Variants in FYN observed in about 807,000 individuals in gnomAD.
FYN encodes tyrosine-protein kinase Fyn.
FYN carries 10 observed loss-of-function variants against 70.2 expected under a neutral mutation model. The ratio of observed to expected loss-of-function variants is 0.14; its 90% CI spans 0.09 to 0.24. FYN has a LOEUF of 0.24. Ranked by LOEUF, FYN falls within the 10% of genes least tolerant of loss-of-function variation. FYN has a pLI of 1.00. For missense variants in FYN, 319 were observed against 673.1 expected (o/e 0.47, Z 5.82); for synonymous variants, 236 against 248.6 (o/e 0.95, Z 0.48).
At chr6:111,827,024 T>C (rs1435986981) in intron 2 of FYN, among the ~76,000 whole-genome samples, 2 of 152,164 alleles carry the variant, frequency 1.3e-5, no homozygotes, top group African/African-American at 2.4e-5. Context: ...ATCAGAGCTC[T>C]TTCCAGCTCA....
chr6:111,692,454 C>A (rs529621417), intron 12 of FYN, among the ~76,000 whole-genome samples: 2 of 152,054 alleles, frequency 1.3e-5, no homozygotes, highest in Non-Finnish European at 2.9e-5. Flanking sequence ...GGGGAACCAG[C>A]GAGGGTGCCA....
intron 8 of FYN, 60 bp downstream of exon 8, chr6:111,702,825 T>C: frequency 6.5e-7 from 1 of 1,545,944 alleles, no homozygotes; most frequent in Non-Finnish European, 8.9e-7. Flanking sequence ...TTTCCTGCTC[T>C]GGGCCTATCC....
Position 111,696,263 on chromosome 6 carries a change from A to C in FYN, c.1042+14T>G. The stretch of plus-strand genomic sequence containing the variant: ...AGGCACTGTGAGCTGGAGACAGGAG[A>C]GGTGTTGCCCAACCTTTGTTCATAT... On this transcript the variant is annotated intron_variant, in intron 10 of 13. Coordinates refer to ENST00000354650, the MANE Select transcript of FYN (RefSeq NM_002037.5). 6.3e-7 allele frequency: 1 copy of C among 1,593,640 alleles called. No homozygotes were observed. The highest frequency in any genetic ancestry group is 8.6e-7 in the Non-Finnish European group (1 of 1,168,520).
At chr6:111,819,801 C>G (rs1772600016) in intron 2 of FYN, 1 of 152,082 alleles carries the variant, frequency 6.6e-6, no homozygotes, top group African/African-American at 2.4e-5. Context: ...AGTCTCATCT[C>G]CCCCACTTTA....
intron 8 of FYN, among the ~76,000 whole-genome samples, chr6:111,701,135 C>T (rs1562479508): frequency 6.6e-6 from 1 of 152,156 alleles, no homozygotes; most frequent in Admixed American, 6.5e-5. Context: ...AAGTAGTTAA[C>T]ACTCGGAGGT....
At chr6:111,683,981 A>G (rs1021915575) in intron 12 of FYN, among the ~76,000 whole-genome samples, 1 of 152,244 alleles carries the variant, frequency 6.6e-6, no homozygotes, top group African/African-American at 2.4e-5. Context: ...AAGTAATACA[A>G]CTGGGTGTTT....
At chr6:111,772,944 T>C (rs148134860) in intron 3 of FYN, among the ~76,000 whole-genome samples, 478 of 151,978 alleles carry the variant, frequency 3.1e-3, no homozygotes, top group Non-Finnish European at 4.9e-3. Context: ...AAAATTATTA[T>C]TAAATTTTTA....
chr6:111,700,388 C>G, intron 8 of FYN, 120 bp from the exon 9 acceptor site: 1 of 943,564 alleles, frequency 1.1e-6, no homozygotes, highest in Non-Finnish European at 1.6e-6. Flanking sequence ...TGCTACTACA[C>G]CAGCAGACGA....
chr6:111,802,266 G>A (rs1772011177), intron 2 of FYN, among the ~76,000 whole-genome samples: 1 of 151,394 alleles, frequency 6.6e-6, no homozygotes. Context: ...TCTTCCTCTT[G>A]CTCTGGCCAT....
At chr6:111,844,788 T>C (rs1367336843) in intron 2 of FYN, 1 of 152,256 alleles carries the variant, frequency 6.6e-6, no homozygotes, top group Admixed American at 6.5e-5. Context: ...TGGCATTCTT[T>C]AGACTGGTGG....
At chr6:111,790,829 C>T (rs1014988905) in intron 2 of FYN, among the ~76,000 whole-genome samples, 1 of 152,042 alleles carries the variant, frequency 6.6e-6, no homozygotes, top group Non-Finnish European at 1.5e-5. Context: ...CAAAAGAATA[C>T]CTAATACCTA....
At chr6:111,710,878 T>C (rs1209053050) in intron 5 of FYN, among the ~76,000 whole-genome samples, 1 of 152,220 alleles carries the variant, frequency 6.6e-6, no homozygotes, top group Admixed American at 6.5e-5. Context: ...TTTAAACGGT[T>C]CTTATAGTTC....
intron 2 of FYN, among the ~76,000 whole-genome samples, chr6:111,827,759 C>A (rs921871177): frequency 3.3e-5 from 5 of 152,156 alleles, no homozygotes; most frequent in African/African-American, 1.2e-4. Flanking sequence ...ACATTAAAGA[C>A]CAATTAGATT....
At chr6:111,713,549 C>G (rs72940277) in intron 5 of FYN, among the ~76,000 whole-genome samples, 3 of 152,142 alleles carry the variant, frequency 2.0e-5, no homozygotes, top group South Asian at 2.1e-4. Context: ...CCCACCCCCC[C>G]ACACTTTCTT....
At chr6:111,865,792 G>A (rs1282127728) in intron 1 of FYN, among the ~76,000 whole-genome samples, 1 of 152,124 alleles carries the variant, frequency 6.6e-6, no homozygotes, top group Non-Finnish European at 1.5e-5. Flanking sequence ...TCAAACTCGA[G>A]GGATTTCCAT....
chr6:111,669,800 A>G (rs1452604893), intron 13 of FYN, among the ~76,000 whole-genome samples: 1 of 152,020 alleles, frequency 6.6e-6, no homozygotes, highest in African/African-American at 2.4e-5. Context: ...ACAGTCTACT[A>G]TGGGGTGGAC....
chr6:111,676,692 A>G (rs1042424760), intron 12 of FYN: 2 of 152,248 alleles, frequency 1.3e-5, no homozygotes, highest in Non-Finnish European at 2.9e-5. Flanking sequence ...CTTGAGCCAA[A>G]TGGCTTGGAA....
At chr6:111,733,549 T>C (rs1194616558) in intron 3 of FYN, among the ~76,000 whole-genome samples, 1 of 152,274 alleles carries the variant, frequency 6.6e-6, no homozygotes, top group Non-Finnish European at 1.5e-5. Context: ...AGAACCAGGA[T>C]GCTGAGTAGC....
At chr6:111,814,668 A>G (rs1272447190) in intron 2 of FYN, among the ~76,000 whole-genome samples, 1 of 152,216 alleles carries the variant, frequency 6.6e-6, no homozygotes, top group Non-Finnish European at 1.5e-5. Flanking sequence ...TCAAGGATCA[A>G]TGCCAAACAC....
Sources: gnomAD v4.1 joint callset for allele counts (sites outside exome capture counted in the v4.1 genomes callset) on GRCh38, gnomAD v4.1.1 for gene constraint, MANE v1.5 for transcripts, NCBI Gene and HGNC (gene_info 2026-07-23, HGNC 2026-07-21) for gene names.